DLGAP2: variants seen among roughly 807,000 people sequenced by gnomAD.
DLGAP2 encodes the protein DLG associated protein 2.
Under a neutral mutation model 100.3 loss-of-function variants are expected in DLGAP2, and 26 were observed. That is an observed-to-expected ratio of 0.26 (90% CI 0.19 to 0.36). The LOEUF (loss-of-function observed/expected upper bound fraction) is 0.36, where lower values mean the gene tolerates loss of function less well. Ranked by LOEUF, DLGAP2 falls within the 10% of genes least tolerant of loss-of-function variation. The probability of loss-of-function intolerance (pLI) is 1.00; values close to 1 mark genes in which losing one functional copy is unlikely to be tolerated. For synonymous variants in DLGAP2, 886 were observed against 630.1 expected, an observed-to-expected ratio of 1.41 and a Z score of -6.08; for missense variants, 1,858 against 1,453.2, an observed-to-expected ratio of 1.28 and a Z score of -4.53.
intron 2 of DLGAP2, among the ~76,000 whole-genome samples, chr8:1,181,516 G>A (rs1426443509): frequency 1.3e-5 from 2 of 151,936 alleles, no homozygotes; most frequent in African/African-American, 4.8e-5. Flanking sequence ...GCACCGAGAG[G>A]GACAACATAC....
chr8:1,407,469 T>G (rs1796596509), intron 3 of DLGAP2, among the ~76,000 whole-genome samples: 1 of 145,562 alleles, frequency 6.9e-6, no homozygotes, highest in African/African-American at 2.5e-5. Flanking sequence ...CACCTCCTCA[T>G]CCTCCAGGGT....
At chr8:1,136,360 C>G (rs1258392720) in intron 2 of DLGAP2, among the ~76,000 whole-genome samples, 1 of 152,224 alleles carries the variant, frequency 6.6e-6, no homozygotes, top group Non-Finnish European at 1.5e-5. Flanking sequence ...TGCCCCGCAG[C>G]CTGTCCACAG....
chr8:1,139,776 G>T (rs1796489135), intron 2 of DLGAP2, among the ~76,000 whole-genome samples: 1 of 152,132 alleles, frequency 6.6e-6, no homozygotes, highest in Non-Finnish European at 1.5e-5. Context: ...AGGGTTTGGG[G>T]TCTGACAGGT....
chr8:1,261,444 G>A (rs1296941133), intron 3 of DLGAP2, among the ~76,000 whole-genome samples: 1 of 151,064 alleles, frequency 6.6e-6, no homozygotes, highest in African/African-American at 2.4e-5. Context: ...GACTGGGAGG[G>A]CAGGTCAGCT....
chr8:1,306,854 T>C (rs1392426896), intron 3 of DLGAP2, among the ~76,000 whole-genome samples: 1 of 152,176 alleles, frequency 6.6e-6, no homozygotes, highest in Non-Finnish European at 1.5e-5. Context: ...ATATAAATAA[T>C]GAAGCTGAAC....
intron 2 of DLGAP2, among the ~76,000 whole-genome samples, chr8:1,202,617 C>CA (rs1435931209): frequency 2.6e-5 from 4 of 152,164 alleles, no homozygotes; most frequent in Non-Finnish European, 4.4e-5. Flanking sequence ...ACGGGACAGT[C>CA]ACAGGCAGAG....
intron 2 of DLGAP2, among the ~76,000 whole-genome samples, chr8:1,000,899 C>G (rs1173078846): frequency 6.6e-6 from 1 of 152,058 alleles, no homozygotes. Context: ...GGTGCTGATT[C>G]TTGGTTCCAT....
chr8:1,256,069 G>A (rs537309908), intron 2 of DLGAP2, among the ~76,000 whole-genome samples: 1 of 133,478 alleles, frequency 7.5e-6, no homozygotes, highest in African/African-American at 2.9e-5. Context: ...CTGCCTGGGT[G>A]CTATGTGTGT....
intron 1 of DLGAP2, among the ~76,000 whole-genome samples, chr8:900,140 G>C (rs1199669615): frequency 2.6e-5 from 4 of 151,504 alleles, no homozygotes; most frequent in African/African-American, 9.7e-5. Context: ...TGGGTGGACG[G>C]TGGTGCCCTG....
chr8:1,167,790 C>T (rs533779063), intron 2 of DLGAP2, among the ~76,000 whole-genome samples: 2 of 152,182 alleles, frequency 1.3e-5, no homozygotes, highest in South Asian at 4.2e-4. Flanking sequence ...CACTGAGGTA[C>T]AAAGTCAAGT....
intron 1 of DLGAP2, among the ~76,000 whole-genome samples, chr8:829,583 A>G (rs931487936): frequency 7.3e-5 from 11 of 150,998 alleles, no homozygotes; most frequent in African/African-American, 2.2e-4. Flanking sequence ...CTTTGCTTCT[A>G]GAAATCGTGA....
rs1209504360 is a variant in DLGAP2 at position 1,529,441 on chromosome 8, TG to T, written c.173-19183del. The stretch of plus-strand genomic sequence containing the variant: ...TTCATGCCACAGATTATCTCAGTGG[TG>T]GCCAACAAGATGGACCGAAGACTTC... On this transcript the variant is annotated intron_variant, in intron 4 of 14. Transcript: ENST00000637795. Among the ~76,000 whole-genome samples the T allele has an allele frequency of 2.6e-5, 4 of 152,306 alleles. No individual in the cohort carries two copies. The East Asian group carries it at 7.7e-4, about 29-fold the overall frequency.
intron 3 of DLGAP2, among the ~76,000 whole-genome samples, chr8:1,295,083 G>C (rs1277250846): frequency 1.3e-5 from 2 of 152,090 alleles, no homozygotes; most frequent in African/African-American, 2.4e-5. Flanking sequence ...CAGCAAACAG[G>C]AAATCTACTA....
At position 1,173,287 on chromosome 8, in the gene DLGAP2, C is replaced by A. The variant is rs191162239; in HGVS notation, c.74-85564C>A. The stretch of plus-strand genomic sequence containing the variant: ...CCGGCCACGTGAGGTGTCAGTCTGC[C>A]CCTACTGGGGGGTGCCTCCAGTTAG... On this transcript the variant is annotated intron_variant, in intron 2 of 14. Coordinates refer to ENST00000637795, the MANE Select transcript of DLGAP2 (RefSeq NM_001346810.2). Among the ~76,000 whole-genome samples the A allele has an allele frequency of 2.8e-3, 420 of 152,240 alleles. 1 individual carries two copies. The highest frequency in any genetic ancestry group is 9.1e-3 in the African/African-American group (378 of 41,534).
At chr8:1,488,450 A>G (rs919210489) in intron 3 of DLGAP2, among the ~76,000 whole-genome samples, 6 of 152,274 alleles carry the variant, frequency 3.9e-5, no homozygotes, top group African/African-American at 1.4e-4. Flanking sequence ...GCAGTTGAGC[A>G]CCCAAAAGAG....
chr8:1,075,526 G>T (rs1226370653), intron 2 of DLGAP2, among the ~76,000 whole-genome samples: 1 of 152,152 alleles, frequency 6.6e-6, no homozygotes, highest in Non-Finnish European at 1.5e-5. Context: ...CCCTGCAGGG[G>T]AGATGGGACA....
intron 1 of DLGAP2, among the ~76,000 whole-genome samples, chr8:827,046 C>T (rs901886858): frequency 4.6e-5 from 7 of 152,020 alleles, no homozygotes; most frequent in East Asian, 3.9e-4. Flanking sequence ...GTTTTGTCCC[C>T]GGGGACATTT....
intron 2 of DLGAP2, among the ~76,000 whole-genome samples, chr8:1,097,840 G>T (rs1482295647): frequency 6.8e-6 from 1 of 146,794 alleles, no homozygotes; most frequent in African/African-American, 2.5e-5. Context: ...GGCAGCCCGG[G>T]GCAGGCCTTC....
chr8:1,694,352 T>C (rs903611510), intron 13 of DLGAP2, among the ~76,000 whole-genome samples: 6 of 152,112 alleles, frequency 3.9e-5, no homozygotes, highest in African/African-American at 9.7e-5. Context: ...TGGAAGTTGT[T>C]GGTAGGTAAC....
Sources: allele counts gnomAD v4.1 joint callset (sites outside exome capture counted in the v4.1 genomes callset), GRCh38; gene constraint gnomAD v4.1.1; transcripts MANE v1.5; gene names NCBI Gene and HGNC (gene_info 2026-07-23, HGNC 2026-07-21).